Variants in WSCD2 observed in about 807,000 individuals in gnomAD.
The protein encoded by WSCD2 is WSC domain sialate O sulfotransferase 2.
WSCD2 carries 28 observed loss-of-function variants against 55.7 expected under a neutral mutation model. That is an observed-to-expected ratio of 0.50 (90% CI 0.37 to 0.69). The LOEUF (loss-of-function observed/expected upper bound fraction) is 0.69. Ranked by LOEUF, WSCD2 falls within the 30% of genes least tolerant of loss-of-function variation. WSCD2 has a pLI of 0.00. For synonymous variants in WSCD2, 301 were observed against 301.9 expected (o/e 1.00, Z 0.03); for missense variants, 616 against 762.1 (o/e 0.81, Z 2.26).
At chr12:108,238,679 C>T (rs868124721) in intron 7 of WSCD2, among the ~76,000 whole-genome samples, 2 of 152,096 alleles carry the variant, frequency 1.3e-5, no homozygotes, top group African/African-American at 4.8e-5. Flanking sequence ...AAACTGAGGC[C>T]CAGAGAGGTG....
At chr12:108,224,408 T>A (rs1488242169) in intron 4 of WSCD2, among the ~76,000 whole-genome samples, 1 of 152,184 alleles carries the variant, frequency 6.6e-6, no homozygotes, top group Non-Finnish European at 1.5e-5. Context: ...AATGGGGCAT[T>A]GCCATGGTTG....
intron 4 of WSCD2, among the ~76,000 whole-genome samples, chr12:108,218,197 G>A (rs1887072115): frequency 6.6e-6 from 1 of 152,224 alleles, no homozygotes; most frequent in Non-Finnish European, 1.5e-5. Context: ...GAAATGAGAG[G>A]AAACTTGCCC....
Position 108,227,012 on chromosome 12 carries a change from C to G in WSCD2, c.827C>G (p.Ala276Gly). The change falls in exon 6 of 9, where the codon GCA (alanine) becomes GGA (glycine). Residue 276 changes from alanine to glycine, a missense_variant. By Grantham distance (60) the Ala-to-Gly change is moderately conservative (BLOSUM62 0). This residue lies in a region of WSCD2 where 374 missense variants were observed against 467.4 expected (regional missense o/e 0.80). Transcript: ENST00000547525. Reference protein sequence around the residue: ...TEKEYPLAALAGTACHCGFPT... With the variant: ...TEKEYPLAALGGTACHCGFPT... Reference sequence around the variant, plus strand: ...CAGGAGTACCCGCTGGCAGCTCTTGCAGGCACCGCCTGCCACTGTGGGTTT... The same window carrying G: ...CAGGAGTACCCGCTGGCAGCTCTTGGAGGCACCGCCTGCCACTGTGGGTTT... The G allele has an allele frequency of 6.2e-7, 1 of 1,613,936 alleles. No individual in the cohort carries two copies.
intron 1 of WSCD2, among the ~76,000 whole-genome samples, chr12:108,130,729 T>C (rs1053011886): frequency 6.6e-6 from 1 of 152,114 alleles, no homozygotes; most frequent in African/African-American, 2.4e-5. Context: ...GTTTCCTGGC[T>C]GCTCAATGAG....
In WSCD2 at chr12:108,177,037, A is replaced by G. The variant is rs148590676; in HGVS notation, c.-551-18245A>G. On this transcript the variant is annotated intron_variant, in intron 1 of 8. Transcript: ENST00000547525. ...CAGCTGGCAGGAGGCAGCTGATGTC[A>G]GTAGTTATAAGCACGAGTTCTGCAA... is the stretch of plus-strand genomic sequence containing the variant. Among the ~76,000 whole-genome samples the G allele has an allele frequency of 1.8e-3, 269 of 152,192 alleles. 2 individuals are homozygous for G. Among genetic ancestry groups the G allele is most frequent in the African/African-American group, 6.3e-3 (262 of 41,512 alleles).
chr12:108,192,684 A>T (rs929852856), intron 1 of WSCD2, among the ~76,000 whole-genome samples: 2 of 152,068 alleles, frequency 1.3e-5, no homozygotes, highest in African/African-American at 2.4e-5. Context: ...CCCCTCAGTG[A>T]TGCACCCTCA....
chr12:108,164,486 CT>C (rs1879417931), intron 1 of WSCD2, among the ~76,000 whole-genome samples: 1 of 151,990 alleles, frequency 6.6e-6, no homozygotes, highest in African/African-American at 2.4e-5. Flanking sequence ...TCAGCGGTTT[CT>C]TTCTTGTTCA....
chr12:108,248,053 A>G lies in WSCD2; in HGVS notation c.1408A>G (p.Lys470Glu), dbSNP rs541068740. The change falls in exon 9 of 9, where the codon AAG becomes GAG. Residue 470 changes from lysine (K) to glutamate (E), a missense_variant. Physicochemically the swap from Lys to Glu is moderately conservative, Grantham distance 56. Around this residue, in one of 3 missense-constraint regions of WSCD2, gnomAD observed 234 missense variants for 264.6 expected, o/e 0.88. Transcript: ENST00000547525. The surrounding 1 kb of genome is among the most constrained non-coding windows in gnomAD (Gnocchi z 4.3). The part of the protein sequence containing the change: ...WWATHTLDWL[K>E]FGKKVLVVHF... Reference sequence around the variant, plus strand: ...GGCCACTCACACACTGGACTGGCTCAAGTTTGGCAAGAAGGTGCTGGTGGT... The same window carrying G: ...GGCCACTCACACACTGGACTGGCTCGAGTTTGGCAAGAAGGTGCTGGTGGT... 6.2e-7 allele frequency: 1 copy of G among 1,614,170 alleles called. No homozygotes were observed. Among genetic ancestry groups the G allele is most frequent in the Non-Finnish European group, 8.5e-7 (1 of 1,180,026 alleles).
intron 3 of WSCD2, among the ~76,000 whole-genome samples, chr12:108,206,980 T>A (rs1885468352): frequency 6.6e-6 from 1 of 152,220 alleles, no homozygotes; most frequent in Non-Finnish European, 1.5e-5. Context: ...AGTTTCTCAA[T>A]ATATAAACTC....
intron 1 of WSCD2, among the ~76,000 whole-genome samples, chr12:108,142,163 C>G (rs1261609416): frequency 2.0e-5 from 3 of 152,116 alleles, no homozygotes; most frequent in East Asian, 1.9e-4. Flanking sequence ...ATTAAAGGAG[C>G]TTTTCCTTTT....
At chr12:108,201,893 T>C (rs1027437903) in intron 2 of WSCD2, among the ~76,000 whole-genome samples, 5 of 152,204 alleles carry the variant, frequency 3.3e-5, no homozygotes, top group Non-Finnish European at 5.9e-5. Flanking sequence ...TGCTGGTTTC[T>C]CTACTGGAGA....
At chr12:108,230,140 A>G (rs1455497191) in intron 6 of WSCD2, among the ~76,000 whole-genome samples, 1 of 152,242 alleles carries the variant, frequency 6.6e-6, no homozygotes, top group Non-Finnish European at 1.5e-5. Context: ...TGGAATGCAC[A>G]TATTTTAAGT....
chr12:108,163,278 A>G (rs1391598526), intron 1 of WSCD2, among the ~76,000 whole-genome samples: 4 of 152,150 alleles, frequency 2.6e-5, no homozygotes, highest in African/African-American at 9.7e-5. Context: ...CTGAGGCTGG[A>G]GAATGGCATG....
intron 6 of WSCD2, among the ~76,000 whole-genome samples, chr12:108,230,853 G>A (rs1360658082): frequency 6.6e-6 from 1 of 152,196 alleles, no homozygotes; most frequent in African/African-American, 2.4e-5. Flanking sequence ...GCAGTGACCA[G>A]GGAAGAGGCC....
Position 108,240,359 on chromosome 12 carries a change from G to A in WSCD2, c.1160G>A (p.Arg387Gln), listed in dbSNP as rs764426672. Reference sequence around the variant, plus strand: ...CTGCGGGAAGGGTTTAAAGGTGAGCGGGACCACTGGCGCAGCGGACGGACC... The same window carrying A: ...CTGCGGGAAGGGTTTAAAGGTGAGCAGGACCACTGGCGCAGCGGACGGACC... ...SLYNKGFKGE[R>Q]DHWRSGRTIC... The change falls in exon 8 of 9, where the codon CGG becomes CAG. Residue 387 changes from arginine to glutamine, a missense_variant. Transcript: ENST00000547525. 3.1e-6 allele frequency: 5 copies of A among 1,614,076 alleles called. No homozygotes were observed. Among genetic ancestry groups the A allele is most frequent in the South Asian group, 2.2e-5 (2 of 91,076 alleles).
chr12:108,132,371 C>A (rs2136847720), intron 1 of WSCD2, among the ~76,000 whole-genome samples: 1 of 152,214 alleles, frequency 6.6e-6, no homozygotes. Context: ...CATATGTGTG[C>A]ATTCTCATGC....
At chr12:108,220,473 G>T (rs1194333384) in intron 4 of WSCD2, among the ~76,000 whole-genome samples, 1 of 152,156 alleles carries the variant, frequency 6.6e-6, no homozygotes, top group Non-Finnish European at 1.5e-5. Flanking sequence ...GAACAGCTCA[G>T]CCTACTTCCC....
intron 1 of WSCD2, chr12:108,131,627 C>T (rs1875515904): frequency 6.6e-6 from 1 of 152,328 alleles, no homozygotes; most frequent in Non-Finnish European, 1.5e-5. Flanking sequence ...GGGCATCTAT[C>T]TGGGTGCTGT....
Position 108,210,259 on chromosome 12 carries a change from CCT to C in WSCD2, c.641_642del (p.Ser214CysfsTer53), listed in dbSNP as rs780200449. ...RGSVCGGANRLSVYRLQLAQE... is the reference protein window; with the variant it reads ...RGSVCGGANRXSVYRLQLAQE... The stretch of plus-strand genomic sequence containing the variant: ...GCAGCGTGTGCGGCGGCGCCAACCG[CCT>C]CTCTGTCTACCGGCTGCAGCTGGCC... On this transcript the variant is annotated frameshift_variant, in exon 4 of 9. Transcript: ENST00000547525. LOFTEE classifies it high-confidence loss of function. The surrounding 1 kb of genome is among the most constrained non-coding windows in gnomAD (Gnocchi z 4.3). The C allele has an allele frequency of 6.8e-6, 11 of 1,608,312 alleles. No homozygotes were observed. The highest frequency in any genetic ancestry group is 5.9e-6 in the Non-Finnish European group (7 of 1,177,530).
Sources: allele counts gnomAD v4.1 joint callset (sites outside exome capture counted in the v4.1 genomes callset), GRCh38; gene constraint gnomAD v4.1.1; regional missense constraint gnomAD v4.1.1; non-coding constraint Gnocchi (gnomAD v3.1); transcripts MANE v1.5; gene names NCBI Gene and HGNC (gene_info 2026-07-23, HGNC 2026-07-21).